Variants in RANBP10 observed in about 807,000 individuals in gnomAD.
RANBP10 encodes RAN binding protein 10.
In RANBP10, 24 loss-of-function variants were observed where a neutral mutation model predicts 72.8. That is an observed-to-expected ratio of 0.33 (90% CI 0.24 to 0.46). The LOEUF is 0.46. Among genes scored for constraint, RANBP10 ranks in the 20% least tolerant of loss-of-function variants. The probability of loss-of-function intolerance (pLI) is 1.00; values close to 1 mark genes in which losing one functional copy is unlikely to be tolerated. For synonymous variants in RANBP10, 310 were observed against 322.3 expected (o/e 0.96, Z 0.41); for missense variants, 679 against 817.5 (o/e 0.83, Z 2.07).
chr16:67,764,573 C>T (rs939137474), intron 3 of RANBP10, among the ~76,000 whole-genome samples: 2 of 152,228 alleles, frequency 1.3e-5, no homozygotes, highest in African/African-American at 4.8e-5. Context: ...GTCTAATAAT[C>T]TACTGTGAAG....
chr16:67,764,668 G>A (rs544564626), intron 3 of RANBP10, among the ~76,000 whole-genome samples: 1 of 152,302 alleles, frequency 6.6e-6, no homozygotes, highest in Admixed American at 6.5e-5. Context: ...ACCCCAGCAT[G>A]GGGGACAGAG....
Position 67,724,395 on chromosome 16 carries a change from A to G in RANBP10, c.*2033T>C, listed in dbSNP as rs2053568870. 1 of 152,150 alleles carries G rather than the reference A, an allele frequency of 6.6e-6. No homozygotes were observed. 9.4% of individuals were successfully genotyped at this position (152,150 alleles called of 1,614,324 possible). A position where few individuals can be genotyped will look rare whatever the true frequency, so the allele number is the denominator to read the frequency against. ...TTGTAGCAAGAGAGGAATGGGGGAGATGTTCACTGAACCCCATTCCAGCTG... is the reference window on the plus strand; with the variant it reads ...TTGTAGCAAGAGAGGAATGGGGGAGGTGTTCACTGAACCCCATTCCAGCTG... On this transcript the variant is annotated 3_prime_UTR_variant, in exon 14 of 14. Transcript: ENST00000317506.
chr16:67,758,463 T>C (rs187586110), intron 3 of RANBP10, among the ~76,000 whole-genome samples: 7 of 152,256 alleles, frequency 4.6e-5, no homozygotes, highest in South Asian at 2.1e-4. Flanking sequence ...GCGTACATCG[T>C]TGGGTCCTGA....
chr16:67,773,254 C>G (rs942789341), intron 2 of RANBP10, among the ~76,000 whole-genome samples: 2 of 152,164 alleles, frequency 1.3e-5, no homozygotes, highest in South Asian at 2.1e-4. Context: ...GCACCTCCCC[C>G]CAACTTGTTC....
intron 2 of RANBP10, among the ~76,000 whole-genome samples, chr16:67,785,986 G>A (rs192980314): frequency 0.011 from 1,633 of 150,634 alleles, 25 homozygotes; most frequent in Non-Finnish European, 0.018. Context: ...AGATCAGAGC[G>A]AGACTCCATC....
chr16:67,736,804 G>C (rs2053856700), intron 5 of RANBP10, among the ~76,000 whole-genome samples: 1 of 152,208 alleles, frequency 6.6e-6, no homozygotes, highest in Admixed American at 6.5e-5. Context: ...GGGGCTTCCA[G>C]GTAAGAGGGA....
chr16:67,742,921 G>A (rs531669882), intron 4 of RANBP10, among the ~76,000 whole-genome samples: 2 of 152,314 alleles, frequency 1.3e-5, no homozygotes, highest in African/African-American at 4.8e-5. Context: ...TCACCATCTG[G>A]TCACTAGCAA....
At chr16:67,782,814 A>AAGAGCCATCTCTTAAAAGCCG (rs2054838751) in intron 2 of RANBP10, among the ~76,000 whole-genome samples, 2 of 151,698 alleles carry the variant, frequency 1.3e-5, no homozygotes, top group South Asian at 2.1e-4. Context: ...CTTAAAAGCC[A>AAGAGCCATCTCTTAAAAGCCG]CTTTTAAGAG....
chr16:67,726,913 G>A (rs1597814962), intron 13 of RANBP10, among the ~76,000 whole-genome samples: 2 of 152,324 alleles, frequency 1.3e-5, no homozygotes, highest in South Asian at 2.1e-4. Flanking sequence ...GCCCCAGTGT[G>A]GATAAACATC....
At chr16:67,728,267 A>C in intron 11 of RANBP10, 123 bp downstream of exon 11, 1 of 1,056,414 alleles carries the variant, frequency 9.5e-7, no homozygotes, top group Non-Finnish European at 1.4e-6. Context: ...GAGGCTGTGG[A>C]CCAGGTCTGG....
At chr16:67,727,985 C>T in intron 11 of RANBP10, 89 bp from the exon 12 acceptor site, 1 of 1,423,348 alleles carries the variant, frequency 7.0e-7, no homozygotes, top group South Asian at 1.2e-5. Flanking sequence ...CCCGGGTGGG[C>T]TGCAGCTTCT....
In RANBP10 at chr16:67,772,024, A is replaced by G. The variant is rs377260856; in HGVS notation, c.400+10T>C. The G allele has an allele frequency of 3.2e-5, 52 of 1,609,652 alleles. No homozygotes were observed. The highest frequency in any genetic ancestry group is 4.0e-5 in the Non-Finnish European group (47 of 1,178,570). On this transcript the variant is annotated intron_variant, in intron 3 of 13. Transcript: ENST00000317506. ...GAGCAGAACAAATGTTCTCTTAAAC[A>G]GTGACTCACCAGGAAGTCTGTTCAT...
At chr16:67,735,298 G>A (rs1227711959) in intron 5 of RANBP10, among the ~76,000 whole-genome samples, 2 of 152,214 alleles carry the variant, frequency 1.3e-5, no homozygotes, top group Non-Finnish European at 2.9e-5. Context: ...AGGCCATTGT[G>A]TCCTCAAGGC....
intron 5 of RANBP10, among the ~76,000 whole-genome samples, chr16:67,736,139 G>A (rs991067257): frequency 6.6e-6 from 1 of 151,362 alleles, no homozygotes; most frequent in Admixed American, 6.6e-5. Context: ...CCGTGCTCAG[G>A]CCATGTTCCT....
chr16:67,744,782 G>GA (rs1179275351), intron 3 of RANBP10, among the ~76,000 whole-genome samples: 1 of 152,240 alleles, frequency 6.6e-6, no homozygotes, highest in African/African-American at 2.4e-5. Flanking sequence ...GTGGGAGCTG[G>GA]AAGTAACCTT....
intron 3 of RANBP10, among the ~76,000 whole-genome samples, chr16:67,755,308 T>C (rs2054267203): frequency 6.6e-6 from 1 of 152,138 alleles, no homozygotes; most frequent in South Asian, 2.1e-4. Context: ...AGGATGGAGA[T>C]GTGCCTAGAA....
chr16:67,751,608 G>C (rs2054197985), intron 3 of RANBP10, among the ~76,000 whole-genome samples: 1 of 152,004 alleles, frequency 6.6e-6, no homozygotes, highest in South Asian at 2.1e-4. Flanking sequence ...CTGGGCAACA[G>C]AGCAAGATGT....
intron 3 of RANBP10, among the ~76,000 whole-genome samples, chr16:67,766,000 AC>A (rs946053446): frequency 6.6e-5 from 10 of 152,028 alleles, no homozygotes; most frequent in Non-Finnish European, 1.5e-4. Flanking sequence ...ACAGAGTAAG[AC>A]CCTGTCTCAG....
intron 3 of RANBP10, among the ~76,000 whole-genome samples, chr16:67,760,213 T>C (rs1003086600): frequency 1.3e-5 from 2 of 152,146 alleles, no homozygotes; most frequent in Non-Finnish European, 2.9e-5. Flanking sequence ...CATCTTTCAC[T>C]GGATGTGCTG....
Sources: gnomAD v4.1 joint callset for allele counts (sites outside exome capture counted in the v4.1 genomes callset) on GRCh38, gnomAD v4.1.1 for gene constraint, MANE v1.5 for transcripts, NCBI Gene and HGNC (gene_info 2026-07-23, HGNC 2026-07-21) for gene names.